Variants in SOX7 observed in about 807,000 individuals in gnomAD.
The protein encoded by SOX7 is SRY-box transcription factor 7, also known as transcription factor SOX-7.
Under a neutral mutation model 24.9 loss-of-function variants are expected in SOX7, and 19 were observed. That is an observed-to-expected ratio of 0.76 (90% CI 0.53 to 1.12). The LOEUF is 1.12. Among genes scored for constraint, SOX7 ranks in the 50% most tolerant of loss-of-function variants. The pLI is 0.00. For missense variants in SOX7, 702 were observed against 535.0 expected (o/e 1.31, Z -3.08); for synonymous variants, 327 against 244.5 (o/e 1.34, Z -3.15).
rs1477150634 is a variant in SOX7, at chr8:10,724,542, C to T, written c.*1196G>A. On this transcript the variant is annotated 3_prime_UTR_variant, in exon 2 of 2. Coordinates refer to ENST00000304501, the MANE Select transcript of SOX7 (RefSeq NM_031439.4). Reference sequence around the variant, plus strand: ...GTGTATCCAGATTTGAAGACAGTGACTTTGCTTGGTTGCAAAGTCCTTTTA... The same window carrying T: ...GTGTATCCAGATTTGAAGACAGTGATTTTGCTTGGTTGCAAAGTCCTTTTA... 3.9e-5 allele frequency: 6 copies of T among 152,196 alleles called. No homozygotes were observed. The highest frequency in any genetic ancestry group is 7.2e-5 in the African/African-American group (3 of 41,450). The allele number at this position is 152,196 out of a possible 1,614,324, so 9.4% of individuals were successfully genotyped here.
chr8:10,725,032 A>T lies in SOX7; in HGVS notation c.*706T>A. 6.6e-6 allele frequency: 1 copy of T among 152,488 alleles called. No individual in the cohort carries two copies. The highest frequency in any genetic ancestry group is 1.9e-4 in the East Asian group (1 of 5,202). 9.4% of individuals were successfully genotyped at this position (152,488 alleles called of 1,614,324 possible). On this transcript the variant is annotated 3_prime_UTR_variant, in exon 2 of 2. Transcript: ENST00000304501. The stretch of plus-strand genomic sequence containing the variant: ...CCACCGTGCCCGGCCTAGACTGTGC[A>T]TATTCTCTTGAAGTGTGTGTATAAT...
intron 1 of SOX7, among the ~76,000 whole-genome samples, chr8:10,727,652 T>C (rs7009920): frequency 0.17 from 25,580 of 152,242 alleles, 2,527 homozygotes; most frequent in Non-Finnish European, 0.22. Flanking sequence ...CCCTCATCTA[T>C]CAGTGTGCAC....
In SOX7 at chr8:10,725,863, C is replaced by A. The variant is rs747829460; in HGVS notation, c.1042G>T (p.Ala348Ser). The A allele has an allele frequency of 1.9e-6, 3 of 1,614,080 alleles. No individual in the cohort carries two copies. Among genetic ancestry groups the A allele is most frequent in the Non-Finnish European group, 2.5e-6 (3 of 1,180,034 alleles). The change falls in exon 2 of 2, where the codon GCC becomes TCC. Residue 348 changes from alanine (A) to serine (S), a missense_variant. By Grantham distance (99) the Ala-to-Ser change is moderately conservative (BLOSUM62 1). Transcript: ENST00000304501. ...GGAACATGCCCACTGAGGGCCATGG[C>A]CCCTGTGGCGGAGTCTGGGTGGCCA... is the stretch of plus-strand genomic sequence containing the variant. ...TPGHPDSATGAMALSGHVPVS... is the reference protein window; with the variant it reads ...TPGHPDSATGSMALSGHVPVS...
intron 1 of SOX7, among the ~76,000 whole-genome samples, chr8:10,727,803 C>T (rs1800184812): frequency 6.6e-6 from 1 of 152,188 alleles, no homozygotes; most frequent in Non-Finnish European, 1.5e-5. Context: ...AAGTTTGAGA[C>T]CCGCTAGCCT....
intron 1 of SOX7, among the ~76,000 whole-genome samples, chr8:10,728,547 G>A (rs1308373857): frequency 1.3e-5 from 2 of 152,246 alleles, no homozygotes; most frequent in African/African-American, 4.8e-5. Context: ...TGGCTCAGCA[G>A]GAAGGAATCT....
Position 10,724,804 on chromosome 8 carries a change from C to A in SOX7, c.*934G>T, listed in dbSNP as rs956182693. The A allele has an allele frequency of 6.6e-6, 1 of 151,592 alleles. No homozygotes were observed. The highest frequency in any genetic ancestry group is 2.4e-5 in the African/African-American group (1 of 41,228). The allele number at this position is 151,592 out of a possible 1,614,324, so 9.4% of individuals were successfully genotyped here. A position where few individuals can be genotyped will look rare whatever the true frequency, so the allele number is the denominator to read the frequency against. ...ATGGTGCAATCTCAGCTCACTGCAA[C>A]CTCCACCTCCTAGGTTCAAGACATT... On this transcript the variant is annotated 3_prime_UTR_variant, in exon 2 of 2. Transcript: ENST00000304501.
rs138865469 is a variant in SOX7 at position 10,726,446 on chromosome 8, C to G, written c.459G>C (p.Arg153=). ...TGTCCTCCTTCTCCCCCAGCGCCCC[C>G]CGGCTGCCGCTTCTCTTCTCCGGCA... ...NALPEKRSGS[R]GALGEKEDRG... Residue 153 remains arginine, a synonymous_variant, in exon 2 of 2, where the codon CGG becomes CGC. Coordinates refer to ENST00000304501, the MANE Select transcript of SOX7 (RefSeq NM_031439.4). 180 of 1,612,294 alleles carry G rather than the reference C, an allele frequency of 1.1e-4. No individual in the cohort carries two copies. The African/African-American group carries it at 2.1e-3, about 19-fold the overall frequency.
intron 1 of SOX7, 97 bp from the exon 2 acceptor site, chr8:10,726,763 C>CGTGCACATGCA: frequency 9.1e-7 from 1 of 1,101,504 alleles, no homozygotes; most frequent in Non-Finnish European, 1.3e-6. Flanking sequence ...TGCACACACA[C>CGTGCACATGCA]CTCCCTTCCC....
At position 10,724,062 on chromosome 8, in the gene SOX7, A is replaced by G. The variant is rs533492846; in HGVS notation, c.*1676T>C. 14 of 152,270 alleles carry G rather than the reference A, an allele frequency of 9.2e-5. No individual in the cohort carries two copies. Among genetic ancestry groups the G allele is most frequent in the Non-Finnish European group, 1.9e-4 (13 of 68,048 alleles). The allele number at this position is 152,270 out of a possible 1,614,324, so 9.4% of individuals were successfully genotyped here. On this transcript the variant is annotated 3_prime_UTR_variant, in exon 2 of 2. Coordinates refer to ENST00000304501, the MANE Select transcript of SOX7 (RefSeq NM_031439.4). ...GAAGGACAAAAAGGATTTATCAACA[A>G]TACAAAACATAAGATAAAAATAATA... is the stretch of plus-strand genomic sequence containing the variant.
rs1276017822 is a variant in SOX7 at position 10,725,838 on chromosome 8, G to A, written c.1067C>T (p.Pro356Leu). 7.4e-6 allele frequency: 12 copies of A among 1,614,228 alleles called. No homozygotes were observed. The highest frequency in any genetic ancestry group is 1.6e-4 in the Middle Eastern group (1 of 6,062). Reference protein sequence around the residue: ...TGAMALSGHVPVSQVTPTGPT... With the variant: ...TGAMALSGHVLVSQVTPTGPT... The stretch of plus-strand genomic sequence containing the variant: ...ACCCGTTGGTGTCACCTGGGAGACC[G>A]GAACATGCCCACTGAGGGCCATGGC... The change falls in exon 2 of 2, where the codon CCG (proline) becomes CTG (leucine). Residue 356 changes from proline to leucine, a missense_variant. By Grantham distance (98) the Pro-to-Leu change is moderately conservative (BLOSUM62 -3). Coordinates refer to ENST00000304501, the MANE Select transcript of SOX7 (RefSeq NM_031439.4).
rs1421097811 is a variant in SOX7 at position 10,730,408 on chromosome 8, G to C, written c.26C>G (p.Pro9Arg). MASLLGAY[P>R]WPEGLECPAL... ...CGGGCACTCGAGACCCTCGGGCCAA[G>C]GGTAGGCTCCCAGCAGCGAAGCCAT... The change falls in exon 1 of 2, where the codon CCT (proline) becomes CGT (arginine). Residue 9 changes from proline (P) to arginine (R), a missense_variant. Coordinates refer to ENST00000304501, the MANE Select transcript of SOX7 (RefSeq NM_031439.4). The surrounding 1 kb of genome is among the most constrained non-coding windows in gnomAD (Gnocchi z 4.8). 6.7e-7 allele frequency: 1 copy of C among 1,497,602 alleles called. No individual in the cohort carries two copies. The highest frequency in any genetic ancestry group is 8.8e-7 in the Non-Finnish European group (1 of 1,130,032). 92.8% of individuals were successfully genotyped at this position (1,497,602 alleles called of 1,614,324 possible). A position where few individuals can be genotyped will look rare whatever the true frequency, so the allele number is the denominator to read the frequency against.
rs990002466 is a variant in SOX7 at position 10,723,776 on chromosome 8, CAAAA to C, written c.*1958_*1961del. 3.9e-5 allele frequency: 6 copies of C among 152,472 alleles called. No homozygotes were observed. Among genetic ancestry groups the C allele is most frequent in the African/African-American group, 1.4e-4 (6 of 41,396 alleles). The allele number at this position is 152,472 out of a possible 1,614,324, so 9.4% of individuals were successfully genotyped here. A position where few individuals can be genotyped will look rare whatever the true frequency, so the allele number is the denominator to read the frequency against. ...TTCAAAAGATAGAACAGTCATGGTA[CAAAA>C]ATGTTTATTTAAATTAAATATTTGC... On this transcript the variant is annotated 3_prime_UTR_variant, in exon 2 of 2. Transcript: ENST00000304501.
Position 10,730,227 on chromosome 8 carries a change from G to T in SOX7, c.207C>A (p.Asp69Glu), listed in dbSNP as rs1383748678. The change falls in exon 1 of 2, where the codon GAC becomes GAA. Residue 69 changes from aspartate (D) to glutamate (E), a missense_variant. Asp to Glu is a conservative substitution (Grantham distance 45, BLOSUM62 2). Transcript: ENST00000304501. The surrounding 1 kb of genome is among the most constrained non-coding windows in gnomAD (Gnocchi z 4.8). ...ERKRLAVQNP[D>E]LHNAELSKML... ...TCTTGCTGAGCTCGGCGTTGTGCAGGTCCGGGTTCTGCACTGCCAGCCGTT... is the reference window on the plus strand; with the variant it reads ...TCTTGCTGAGCTCGGCGTTGTGCAGTTCCGGGTTCTGCACTGCCAGCCGTT... 1.3e-6 allele frequency: 2 copies of T among 1,562,054 alleles called. No homozygotes were observed. The highest frequency in any genetic ancestry group is 1.9e-5 in the Admixed American group (1 of 52,720).
chr8:10,730,162 G>GGCCCCCA lies in SOX7; in HGVS notation c.238+27_238+33dup, dbSNP rs1194133785. ...CGCCAGCCGCCCGCCGCCCGCCCCC[G>GGCCCCCA]GCCCCCAGCCCGCTCGGCCGCGCGC... On this transcript the variant is annotated intron_variant, in intron 1 of 1. Coordinates refer to ENST00000304501, the MANE Select transcript of SOX7 (RefSeq NM_031439.4). This position sits in a 1 kb window ranked among gnomAD's most constrained non-coding sequence, Gnocchi z 4.8. 2.0e-6 allele frequency: 1 copy of GGCCCCCA among 508,080 alleles called. No homozygotes were observed. Among genetic ancestry groups the GGCCCCCA allele is most frequent in the East Asian group, 6.9e-5 (1 of 14,422 alleles). 31.5% of individuals were successfully genotyped at this position (508,080 alleles called of 1,614,324 possible).
chr8:10,729,695 AG>A (rs1800223055), intron 1 of SOX7: 2 of 152,344 alleles, frequency 1.3e-5, no homozygotes, highest in South Asian at 2.1e-4. Context: ...TTCGTTCCTC[AG>A]GGTCTCTCTT....
At chr8:10,729,016 G>A (rs1462500853) in intron 1 of SOX7, among the ~76,000 whole-genome samples, 1 of 152,262 alleles carries the variant, frequency 6.6e-6, no homozygotes, top group Non-Finnish European at 1.5e-5. Flanking sequence ...GAAGGCCCCA[G>A]ACCACTAAGG....
At position 10,724,744 on chromosome 8, in the gene SOX7, T is replaced by C. The variant is rs1586079272; in HGVS notation, c.*994A>G. ...TCTTTTTTTTTTTTTTTTCTTGAAA[T>C]GGAGTTTCACTCTTGTTGCACAGGC... On this transcript the variant is annotated 3_prime_UTR_variant, in exon 2 of 2. Transcript: ENST00000304501. 6.7e-6 allele frequency: 1 copy of C among 149,062 alleles called. No individual in the cohort carries two copies. Among genetic ancestry groups the C allele is most frequent in the Non-Finnish European group, 1.5e-5 (1 of 67,744 alleles). The allele number at this position is 149,062 out of a possible 1,614,324, so 9.2% of individuals were successfully genotyped here.
At position 10,730,311 on chromosome 8, in the gene SOX7, G is replaced by C. The variant is rs545288397; in HGVS notation, c.123C>G (p.Ser41=). ...TCATGGGCCGCCGGATACGGCTCTC[G>C]GAGCCCTTGTCCCCCGGGGGCCGGG... ...AVPRPPGDKG[S]ESRIRRPMNA... The change falls in exon 1 of 2, where the codon TCC becomes TCG. Residue 41 remains serine (S), a synonymous_variant. Transcript: ENST00000304501. The surrounding 1 kb of genome is among the most constrained non-coding windows in gnomAD (Gnocchi z 4.8). The C allele has an allele frequency of 1.1e-4, 173 of 1,576,840 alleles. No homozygotes were observed. The highest frequency in any genetic ancestry group is 1.5e-4 in the Non-Finnish European group (172 of 1,164,000).
Position 10,723,951 on chromosome 8 carries a change from T to C in SOX7, c.*1787A>G, listed in dbSNP as rs777985914. Reference sequence around the variant, plus strand: ...CATCAGTCAATCATATCATCAACAATTTACTATTTATTACCAAATGGCATA... The same window carrying C: ...CATCAGTCAATCATATCATCAACAACTTACTATTTATTACCAAATGGCATA... On this transcript the variant is annotated 3_prime_UTR_variant, in exon 2 of 2. Transcript: ENST00000304501. The C allele has an allele frequency of 3.3e-5, 5 of 152,604 alleles. No individual in the cohort carries two copies. Among genetic ancestry groups the C allele is most frequent in the African/African-American group, 9.7e-5 (4 of 41,446 alleles). 9.5% of individuals were successfully genotyped at this position (152,604 alleles called of 1,614,324 possible). A position where few individuals can be genotyped will look rare whatever the true frequency, so the allele number is the denominator to read the frequency against.
Sources: gnomAD v4.1 joint callset for allele counts (sites outside exome capture counted in the v4.1 genomes callset) on GRCh38, gnomAD v4.1.1 for gene constraint, Gnocchi (gnomAD v3.1) non-coding constraint, MANE v1.5 for transcripts, NCBI Gene and HGNC (gene_info 2026-07-23, HGNC 2026-07-21) for gene names.